The following ICA1L variants were observed in gnomAD, a reference collection of about 807,000 sequenced individuals.
ICA1L encodes islet cell autoantigen 1 like, also known as islet cell autoantigen 1-like protein.
A neutral mutation model predicts 61.3 loss-of-function variants in ICA1L; 50 were observed. That is an observed-to-expected ratio of 0.82 (90% CI 0.65 to 1.03). The LOEUF is 1.03. Ranked by LOEUF, ICA1L falls within the 50% of genes least tolerant of loss-of-function variation. The probability of loss-of-function intolerance (pLI) is 0.00; values close to 1 mark genes in which losing one functional copy is unlikely to be tolerated. For missense variants in ICA1L, 508 were observed against 556.7 expected (o/e 0.91, Z 0.88); for synonymous variants, 161 against 191.3 (o/e 0.84, Z 1.31).
chr2:202,852,862 T>A (rs1043336765), intron 1 of ICA1L, among the ~76,000 whole-genome samples: 1 of 150,284 alleles, frequency 6.7e-6, no homozygotes, highest in Admixed American at 6.6e-5. Context: ...GAGAAATGCA[T>A]ATGACCAATG....
chr2:202,789,153 A>C (rs1220402096), intron 10 of ICA1L, 66 bp from the exon 11 acceptor site: 3 of 1,292,102 alleles, frequency 2.3e-6, no homozygotes, highest in Non-Finnish European at 3.3e-6. Context: ...AGACCATAGG[A>C]TGAATCAAAT....
chr2:202,836,236 AT>A (rs572524807), intron 1 of ICA1L, among the ~76,000 whole-genome samples: 1 of 152,144 alleles, frequency 6.6e-6, no homozygotes, highest in Non-Finnish European at 1.5e-5. Flanking sequence ...AGGATGCTGA[AT>A]TTTGTTGAAT....
At chr2:202,840,136 G>A (rs761756792) in intron 1 of ICA1L, among the ~76,000 whole-genome samples, 21 of 141,588 alleles carry the variant, frequency 1.5e-4, no homozygotes, top group South Asian at 2.2e-4. Context: ...AAAAAAAAGC[G>A]ATTGAATTGT....
intron 12 of ICA1L, among the ~76,000 whole-genome samples, chr2:202,780,695 T>C (rs1183598264): frequency 6.6e-6 from 1 of 152,050 alleles, no homozygotes; most frequent in African/African-American, 2.4e-5. Flanking sequence ...GGGCTGGGGT[T>C]TGGGGTATAG....
rs1692142519 is a variant in ICA1L at position 202,774,221 on chromosome 2, C to T, written c.*5312G>A. 5 of 1,550,186 alleles carry T rather than the reference C, an allele frequency of 3.2e-6. No homozygotes were observed. Among genetic ancestry groups the T allele is most frequent in the African/African-American group, 1.4e-5 (1 of 73,098 alleles). ...CTCCAGCAGCGCCGGATCGAAGGCG[C>T]GGGGCGGCTCCTGAGTCTTCTCGCT... On this transcript the variant is annotated 3_prime_UTR_variant, in exon 13 of 13. Transcript: ENST00000358299.
In ICA1L at chr2:202,781,422, A is replaced by T. The variant is rs117263114; in HGVS notation, c.1334-1774T>A. On this transcript the variant is annotated intron_variant, in intron 12 of 12. Coordinates refer to ENST00000358299, the MANE Select transcript of ICA1L (RefSeq NM_001288622.3). ...ACCCCTGTCTCTACTTAAAAAAAAA[A>T]AATTAGCAGGGCGTGGTGGCGCACA... is the stretch of plus-strand genomic sequence containing the variant. 5.7e-3 allele frequency among the ~76,000 whole-genome samples: 871 copies of T among 151,992 alleles called. 13 individuals carry two copies. The highest frequency in any genetic ancestry group is 0.03 in the East Asian group (154 of 5,170).
intron 3 of ICA1L, among the ~76,000 whole-genome samples, chr2:202,822,984 A>G (rs1693739780): frequency 6.6e-6 from 1 of 152,232 alleles, no homozygotes; most frequent in African/African-American, 2.4e-5. Flanking sequence ...CAGTTTACAC[A>G]TTATTTGAAT....
chr2:202,815,362 T>C lies in ICA1L; in HGVS notation c.783+549A>G, dbSNP rs536138305. On this transcript the variant is annotated intron_variant, in intron 7 of 12. Coordinates refer to ENST00000358299, the MANE Select transcript of ICA1L (RefSeq NM_001288622.3). ...TTGAACAAACCAGCCAGCAACACTT[T>C]CAAGCTTTACTGAAAATATGGCAGA... Among the ~76,000 whole-genome samples, 6 of 152,278 alleles carry C rather than the reference T, an allele frequency of 3.9e-5. No homozygotes were observed. The South Asian group carries it at 1.0e-3, about 26-fold the overall frequency.
At chr2:202,855,943 G>A (rs924319348) in intron 1 of ICA1L, among the ~76,000 whole-genome samples, 2 of 151,904 alleles carry the variant, frequency 1.3e-5, no homozygotes, top group Non-Finnish European at 2.9e-5. Flanking sequence ...GTGTGGTGGC[G>A]GGTGACTGGA....
chr2:202,789,886 C>T (rs1383427161), intron 10 of ICA1L, among the ~76,000 whole-genome samples: 1 of 152,182 alleles, frequency 6.6e-6, no homozygotes, highest in Non-Finnish European at 1.5e-5. Flanking sequence ...TATCACCAAA[C>T]CAAACTAAGT....
chr2:202,868,725 G>T lies in ICA1L; in HGVS notation c.-8+2894C>A, dbSNP rs185923387. 2.0e-4 allele frequency among the ~76,000 whole-genome samples: 30 copies of T among 152,206 alleles called. No homozygotes were observed. In the East Asian group the frequency reaches 5.6e-3, roughly 28 times the overall value. ...CTCACGCCTGTAATCCCAGCAATTT[G>T]GGAGGCTGAGGCTGGTGGATCACCT... On this transcript the variant is annotated intron_variant, in intron 1 of 12. Transcript: ENST00000358299.
intron 6 of ICA1L, among the ~76,000 whole-genome samples, chr2:202,816,429 C>A (rs1655095371): frequency 1.3e-5 from 2 of 152,156 alleles, no homozygotes; most frequent in South Asian, 4.1e-4. Flanking sequence ...AGAAAAATTA[C>A]ATTTACCACT....
At chr2:202,781,465 T>G (rs562364763) in intron 12 of ICA1L, among the ~76,000 whole-genome samples, 31 of 151,688 alleles carry the variant, frequency 2.0e-4, no homozygotes, top group African/African-American at 7.0e-4. Flanking sequence ...TCCCAGCTAC[T>G]TGGAAGGCTG....
chr2:202,792,678 C>T lies in ICA1L; in HGVS notation c.986-3591G>A, dbSNP rs143483904. Among the ~76,000 whole-genome samples, 13 of 152,042 alleles carry T rather than the reference C, an allele frequency of 8.6e-5. No homozygotes were observed. The East Asian group carries it at 9.7e-4, about 11-fold the overall frequency. On this transcript the variant is annotated intron_variant, in intron 10 of 12. Transcript: ENST00000358299. ...CAAATTAGCCGGGCATGGTGACACACGCCTGTAGTCCCAGCTACTGGGGAG... is the reference window on the plus strand; with the variant it reads ...CAAATTAGCCGGGCATGGTGACACATGCCTGTAGTCCCAGCTACTGGGGAG...
intron 1 of ICA1L, among the ~76,000 whole-genome samples, chr2:202,852,830 T>C (rs1324917067): frequency 6.7e-6 from 1 of 150,194 alleles, no homozygotes. Context: ...GTGATGAAAA[T>C]GCTCATCATC....
At chr2:202,790,832 G>A (rs920451022) in intron 10 of ICA1L, among the ~76,000 whole-genome samples, 3 of 152,166 alleles carry the variant, frequency 2.0e-5, no homozygotes, top group Non-Finnish European at 4.4e-5. Flanking sequence ...CCTAGAGCAA[G>A]GATGACACTC....
chr2:202,802,451 G>T (rs1025515876), intron 9 of ICA1L, among the ~76,000 whole-genome samples: 2 of 151,966 alleles, frequency 1.3e-5, no homozygotes, highest in African/African-American at 4.8e-5. Flanking sequence ...AAAAATAATG[G>T]TTGAGCAGTT....
At chr2:202,808,411 G>A (rs1693286718) in intron 9 of ICA1L, among the ~76,000 whole-genome samples, 1 of 152,178 alleles carries the variant, frequency 6.6e-6, no homozygotes, top group African/African-American at 2.4e-5. Flanking sequence ...TTGTCTTACA[G>A]CTTGGGTGCC....
rs1220967458 is a variant in ICA1L at position 202,773,787 on chromosome 2, G to T, written c.*5746C>A. On this transcript the variant is annotated 3_prime_UTR_variant, in exon 13 of 13. Transcript: ENST00000358299. ...GTGGAAGAATACATACACCGGTATGGTAATAGGCAAGAGCAGGCTGTAAAA... is the reference window on the plus strand; with the variant it reads ...GTGGAAGAATACATACACCGGTATGTTAATAGGCAAGAGCAGGCTGTAAAA... The T allele has an allele frequency of 1.4e-6, 2 of 1,388,806 alleles. No individual in the cohort carries two copies. The highest frequency in any genetic ancestry group is 2.0e-6 in the Non-Finnish European group (2 of 977,876). 86.0% of individuals were successfully genotyped at this position (1,388,806 alleles called of 1,614,324 possible). A position where few individuals can be genotyped will look rare whatever the true frequency, so the allele number is the denominator to read the frequency against.
Sources: allele counts gnomAD v4.1 joint callset (sites outside exome capture counted in the v4.1 genomes callset), GRCh38; gene constraint gnomAD v4.1.1; transcripts MANE v1.5; gene names NCBI Gene and HGNC (gene_info 2026-07-23, HGNC 2026-07-21).